BRI3: variants seen among roughly 807,000 people sequenced by gnomAD.
BRI3 encodes brain protein I3, also known as membrane protein BRI3.
BRI3 carries 6 observed loss-of-function variants against 12.8 expected under a neutral mutation model. That is an observed-to-expected ratio of 0.47 (90% confidence interval 0.26 to 0.93). The LOEUF is 0.93. Ranked by LOEUF, BRI3 falls within the 40% of genes least tolerant of loss-of-function variation. The probability of loss-of-function intolerance (pLI) is 0.15; values close to 1 mark genes in which losing one functional copy is unlikely to be tolerated. For synonymous variants in BRI3, 91 were observed against 76.1 expected, an observed-to-expected ratio of 1.20 and a Z score of -1.02; for missense variants, 134 against 171.1, an observed-to-expected ratio of 0.78 and a Z score of 1.21.
chr7:98,322,012 C>T, the BRI3 span, among the ~76,000 whole-genome samples: 7 of 152,154 alleles, frequency 4.6e-5, no homozygotes, highest in Non-Finnish European at 5.9e-5. Flanking sequence ...GGGAGAACTG[C>T]TTGAACCTGG....
exon 2 of BRI3, chr7:98,307,699 C>G: frequency 6.2e-7 from 1 of 1,614,014 alleles, no homozygotes; most frequent in Non-Finnish European, 8.5e-7. Context: ...GCCTTGGACA[C>G]GTCGTGTTCT....
the BRI3 span, among the ~76,000 whole-genome samples, chr7:98,316,916 T>C: frequency 1.3e-5 from 2 of 151,436 alleles, no homozygotes; most frequent in Non-Finnish European, 2.9e-5. Flanking sequence ...CAGGCTGGAG[T>C]GCAGTGGCAT....
At chr7:98,285,282 G>C (rs1799672919) in intron 2 of BRI3, among the ~76,000 whole-genome samples, 1 of 152,200 alleles carries the variant, frequency 6.6e-6, no homozygotes, top group Non-Finnish European at 1.5e-5. Flanking sequence ...GGGCTGTGGA[G>C]GGCACGGGGT....
chr7:98,292,471 A>C, downstream of BRI3: 1 of 665,488 alleles, frequency 1.5e-6, no homozygotes. Context: ...CGGGCTGGGA[A>C]TTTTAACCAT....
intron 2 of BRI3, among the ~76,000 whole-genome samples, chr7:98,289,108 C>G (rs1799811038): frequency 6.6e-6 from 1 of 152,118 alleles, no homozygotes; most frequent in African/African-American, 2.4e-5. Context: ...CAGGTACCCA[C>G]CACTACGCCC....
chr7:98,315,671 A>G, the BRI3 span: 3 of 899,270 alleles, frequency 3.3e-6, no homozygotes, highest in Non-Finnish European at 4.4e-6. Context: ...AGCATCAGAT[A>G]GCGTGCAGCC....
At chr7:98,299,447 C>G (rs975866906) in intron 1 of BRI3, among the ~76,000 whole-genome samples, 3 of 152,176 alleles carry the variant, frequency 2.0e-5, no homozygotes, top group Admixed American at 2.0e-4. Flanking sequence ...TGTGAGCCAC[C>G]GTGCCCGGCA....
At chr7:98,284,482 C>T (rs992027250) in intron 2 of BRI3, among the ~76,000 whole-genome samples, 2 of 152,170 alleles carry the variant, frequency 1.3e-5, no homozygotes, top group African/African-American at 4.8e-5. Flanking sequence ...CTCCTCTCTG[C>T]GAGGAGAGTG....
chr7:98,298,922 G>A (rs181692324), intron 1 of BRI3, among the ~76,000 whole-genome samples: 46 of 152,102 alleles, frequency 3.0e-4, no homozygotes, highest in African/African-American at 1.1e-3. Context: ...GCTCACTGCA[G>A]CCTCGACCTC....
intron 2 of BRI3, among the ~76,000 whole-genome samples, chr7:98,285,819 TG>T (rs1482284728): frequency 6.6e-6 from 1 of 152,124 alleles, no homozygotes; most frequent in Non-Finnish European, 1.5e-5. Context: ...GTGGACACCC[TG>T]GGACAGCCAG....
chr7:98,290,075 G>A (rs934564169), intron 2 of BRI3, among the ~76,000 whole-genome samples: 1 of 151,626 alleles, frequency 6.6e-6, no homozygotes, highest in East Asian at 1.9e-4. Context: ...AACGGAAATC[G>A]AATAAAAGCC....
chr7:98,291,020 G>A (rs1799924194), intron 2 of BRI3, 91 bp from the exon 3 acceptor site: 5 of 1,458,000 alleles, frequency 3.4e-6, no homozygotes, highest in Non-Finnish European at 4.8e-6. Context: ...CATGGCCACT[G>A]GTTGGTTATT....
exon 1 of BRI3, chr7:98,306,525 A>T: frequency 6.2e-7 from 1 of 1,614,144 alleles, no homozygotes; most frequent in Non-Finnish European, 8.5e-7. Context: ...TCCTACCGGC[A>T]AAGAGGGAGA....
At chr7:98,296,542 T>C (rs1584413134), downstream of BRI3, among the ~76,000 whole-genome samples, 1 of 152,234 alleles carries the variant, frequency 6.6e-6, no homozygotes, top group East Asian at 1.9e-4. Flanking sequence ...GGAGAATCGC[T>C]TGAACAGGGA....
At chr7:98,305,053 T>TTG (rs1554410664), upstream of BRI3, among the ~76,000 whole-genome samples, 3 of 92,082 alleles carry the variant, frequency 3.3e-5, no homozygotes, top group East Asian at 3.0e-4. Context: ...TTTTGTTTTT[T>TTG]TTTTTTTTTT....
the BRI3 span, among the ~76,000 whole-genome samples, chr7:98,316,855 T>C: frequency 1.3e-5 from 2 of 151,654 alleles, no homozygotes; most frequent in Admixed American, 1.3e-4. Context: ...TTCCATGAGA[T>C]CAACTTCAAA....
At chr7:98,304,095 C>G (rs892344466), upstream of BRI3, 2 of 1,279,578 alleles carry the variant, frequency 1.6e-6, no homozygotes, top group African/African-American at 1.5e-5. Flanking sequence ...CACTCTCCCC[C>G]TGGGGACAGA....
chr7:98,315,614 T>TAAA, the BRI3 span: 7 of 772,396 alleles, frequency 9.1e-6, no homozygotes, highest in Admixed American at 4.4e-5. Context: ...CTCCACATAC[T>TAAA]AAAAAAAAAA....
chr7:98,322,153 G>A, the BRI3 span, among the ~76,000 whole-genome samples: 6 of 152,070 alleles, frequency 3.9e-5, no homozygotes, highest in South Asian at 2.1e-4. Flanking sequence ...GGGAGGAATC[G>A]GAATGAGGAC....
Sources: allele counts gnomAD v4.1 joint callset (sites outside exome capture counted in the v4.1 genomes callset), GRCh38; gene constraint gnomAD v4.1.1; transcripts MANE v1.5; gene names NCBI Gene and HGNC (gene_info 2026-07-23, HGNC 2026-07-21).